The following ERC2 variants were observed in gnomAD, a reference collection of about 807,000 sequenced individuals.
ERC2 encodes ERC protein 2.
Under a neutral mutation model 114.8 loss-of-function variants are expected in ERC2, and 42 were observed. That is an observed-to-expected ratio of 0.37 (90% CI 0.29 to 0.47). ERC2 has a LOEUF of 0.47. Ranked by LOEUF, ERC2 falls within the 20% of genes least tolerant of loss-of-function variation. The pLI is 0.99. For synonymous variants in ERC2, 454 were observed against 425.5 expected (o/e 1.07, Z -0.82); for missense variants, 939 against 1,150.7 (o/e 0.82, Z 2.66).
chr3:56,409,038 T>C (rs1485102396), intron 2 of ERC2, among the ~76,000 whole-genome samples: 1 of 152,210 alleles, frequency 6.6e-6, no homozygotes, highest in African/African-American at 2.4e-5. Flanking sequence ...CCAAAACACC[T>C]ACCAGTCATC....
chr3:55,543,546 C>A (rs780299237), intron 17 of ERC2, among the ~76,000 whole-genome samples: 1 of 152,162 alleles, frequency 6.6e-6, no homozygotes, highest in African/African-American at 2.4e-5. Context: ...AGTTTCCCTT[C>A]CCTTGGAGAA....
At chr3:55,664,495 C>T (rs1300603362) in intron 17 of ERC2, among the ~76,000 whole-genome samples, 5 of 152,226 alleles carry the variant, frequency 3.3e-5, no homozygotes, top group African/African-American at 1.2e-4. Flanking sequence ...TGAGCCCGAG[C>T]TCACGAACCG....
chr3:55,690,935 G>A (rs1361546113), intron 16 of ERC2, among the ~76,000 whole-genome samples: 1 of 152,182 alleles, frequency 6.6e-6, no homozygotes, highest in Admixed American at 6.5e-5. Context: ...TCCCTCTCCT[G>A]TAGCTCTTAA....
At chr3:55,678,711 G>C (rs940105389) in intron 17 of ERC2, among the ~76,000 whole-genome samples, 2 of 152,148 alleles carry the variant, frequency 1.3e-5, no homozygotes, top group Non-Finnish European at 2.9e-5. Context: ...TCAAAAGCCT[G>C]CCCTTCCCTT....
intron 3 of ERC2, among the ~76,000 whole-genome samples, chr3:56,292,285 T>C (rs928782212): frequency 1.3e-5 from 2 of 151,900 alleles, no homozygotes; most frequent in African/African-American, 4.8e-5. Flanking sequence ...GAAAATTTCT[T>C]CTAGAAATGG....
At chr3:55,583,734 G>T in intron 17 of ERC2, among the ~76,000 whole-genome samples, 1 of 151,628 alleles carries the variant, frequency 6.6e-6, no homozygotes, top group South Asian at 2.1e-4. Context: ...GCTCAGTATA[G>T]GTGATGGAAC....
At chr3:55,860,928 TA>T (rs1230375507) in intron 14 of ERC2, among the ~76,000 whole-genome samples, 1 of 151,526 alleles carries the variant, frequency 6.6e-6, no homozygotes, top group Non-Finnish European at 1.5e-5. Context: ...TAAACGGGGG[TA>T]AAAGAGACTA....
chr3:55,625,374 G>GA (rs60450668), intron 17 of ERC2, among the ~76,000 whole-genome samples: 6 of 119,916 alleles, frequency 5.0e-5, no homozygotes, highest in African/African-American at 1.5e-4. Context: ...CTCAAAAAAA[G>GA]AAAAAAAAAA....
intron 3 of ERC2, among the ~76,000 whole-genome samples, chr3:56,289,402 A>G (rs966743978): frequency 1.3e-5 from 2 of 151,978 alleles, no homozygotes; most frequent in Middle Eastern, 3.4e-3. Flanking sequence ...TTCCCATCCA[A>G]TCCACTGTCA....
chr3:56,285,520 G>T (rs963901337), intron 3 of ERC2, among the ~76,000 whole-genome samples: 6 of 152,112 alleles, frequency 3.9e-5, no homozygotes, highest in African/African-American at 1.2e-4. Flanking sequence ...CCTAGTAACA[G>T]GCAGTCTTCC....
intron 11 of ERC2, among the ~76,000 whole-genome samples, chr3:55,991,089 G>C (rs973769212): frequency 1.3e-5 from 2 of 152,184 alleles, no homozygotes; most frequent in African/African-American, 4.8e-5. Flanking sequence ...GCAAAAAGCA[G>C]AGGCAAAATT....
intron 3 of ERC2, among the ~76,000 whole-genome samples, chr3:56,178,591 G>A (rs146894712): frequency 7.8e-4 from 118 of 152,244 alleles, no homozygotes; most frequent in African/African-American, 2.8e-3. Flanking sequence ...CCAATTGGAG[G>A]AATCAATAGG....
intron 5 of ERC2, among the ~76,000 whole-genome samples, chr3:56,144,943 T>C (rs2081060703): frequency 6.6e-6 from 1 of 152,118 alleles, no homozygotes; most frequent in South Asian, 2.1e-4. Context: ...CGAACATACA[T>C]GAGAACTGAG....
intron 12 of ERC2, among the ~76,000 whole-genome samples, chr3:55,963,725 C>T (rs942069266): frequency 1.3e-5 from 2 of 152,170 alleles, no homozygotes; most frequent in East Asian, 3.8e-4. Context: ...CACATTAGGG[C>T]CAATTTGGTA....
rs185860801 is a variant in ERC2 at position 55,874,170 on chromosome 3, C to A, written c.2564+14219G>T. On this transcript the variant is annotated intron_variant, in intron 14 of 17. Coordinates refer to ENST00000288221, the MANE Select transcript of ERC2 (RefSeq NM_015576.3). ...CTGAGCTTGCCTCAAAGAATGCTAC[C>A]CATACCTTGGAGGCAGTTGACTTGT... Among the ~76,000 whole-genome samples the A allele has an allele frequency of 2.6e-3, 392 of 152,274 alleles. 4 individuals carry two copies. The highest frequency in any genetic ancestry group is 0.022 in the South Asian group (107 of 4,810).
At chr3:55,712,423 C>T (rs931192572) in intron 15 of ERC2, among the ~76,000 whole-genome samples, 1 of 152,172 alleles carries the variant, frequency 6.6e-6, no homozygotes, top group African/African-American at 2.4e-5. Flanking sequence ...GGGATGTGAA[C>T]AGAGTTGGCC....
chr3:55,612,043 C>A (rs1370829414), intron 17 of ERC2, among the ~76,000 whole-genome samples: 2 of 152,160 alleles, frequency 1.3e-5, no homozygotes, highest in Non-Finnish European at 2.9e-5. Context: ...CCCATCCCAG[C>A]CCCTCTCTAC....
chr3:55,744,389 A>T (rs1430998031), intron 14 of ERC2, among the ~76,000 whole-genome samples: 2 of 152,170 alleles, frequency 1.3e-5, no homozygotes, highest in Non-Finnish European at 2.9e-5. Flanking sequence ...CAGCCTGGGC[A>T]ACAAGAGGGA....
At chr3:55,835,317 C>T (rs75038106) in intron 14 of ERC2, among the ~76,000 whole-genome samples, 15,388 of 152,110 alleles carry the variant, frequency 0.1, 1,373 homozygotes, top group African/African-American at 0.24. Context: ...AATTTTAGAC[C>T]AATATCCTTG....
Sources: allele counts gnomAD v4.1 joint callset (sites outside exome capture counted in the v4.1 genomes callset), GRCh38; gene constraint gnomAD v4.1.1; transcripts MANE v1.5; gene names NCBI Gene and HGNC (gene_info 2026-07-23, HGNC 2026-07-21).